The following SLC5A3 variants were observed in gnomAD, a reference collection of about 807,000 sequenced individuals.
The protein encoded by SLC5A3 is solute carrier family 5 member 3, also known as sodium/myo-inositol cotransporter.
In SLC5A3, 10 loss-of-function variants were observed where a neutral mutation model predicts 43.2. The ratio of observed to expected loss-of-function variants is 0.23; its 90% CI spans 0.14 to 0.39. The LOEUF (loss-of-function observed/expected upper bound fraction) is 0.39. SLC5A3 is among the 10% of genes least tolerant of loss of function. SLC5A3 has a pLI of 1.00. For missense variants in SLC5A3, 608 were observed against 893.4 expected, an observed-to-expected ratio of 0.68 and a Z score of 4.07; for synonymous variants, 349 against 322.0, an observed-to-expected ratio of 1.08 and a Z score of -0.90.
chr21:34,092,967 C>G (rs569664911), intron 1 of SLC5A3, among the ~76,000 whole-genome samples: 1 of 152,118 alleles, frequency 6.6e-6, no homozygotes, highest in East Asian at 1.9e-4. Flanking sequence ...TTCATAACTG[C>G]GAACAGCAGT....
At chr21:34,076,692 G>C (rs1989340671) in intron 1 of SLC5A3, among the ~76,000 whole-genome samples, 1 of 152,212 alleles carries the variant, frequency 6.6e-6, no homozygotes, top group Non-Finnish European at 1.5e-5. Context: ...GTAGGTAAAA[G>C]TGTGGTTAAA....
Position 34,103,374 on chromosome 21 carries a change from G to C in SLC5A3, c.*6019G>C. Reference sequence around the variant, plus strand: ...TACTTTATGTGCAGCCTTTATTTAGGTTCAGTGAAACCAGGTAGTTCTGTA... The same window carrying C: ...TACTTTATGTGCAGCCTTTATTTAGCTTCAGTGAAACCAGGTAGTTCTGTA... On this transcript the variant is annotated 3_prime_UTR_variant, in exon 2 of 2. Coordinates refer to ENST00000381151, the MANE Select transcript of SLC5A3 (RefSeq NM_006933.7). The C allele has an allele frequency of 5.0e-6, 5 of 996,420 alleles. No individual in the cohort carries two copies. Among genetic ancestry groups the C allele is most frequent in the Non-Finnish European group, 6.0e-6 (5 of 828,222 alleles). The allele number at this position is 996,420 out of a possible 1,614,324, so 61.7% of individuals were successfully genotyped here. A position where few individuals can be genotyped will look rare whatever the true frequency, so the allele number is the denominator to read the frequency against.
At chr21:34,078,285 T>C (rs190723644) in intron 1 of SLC5A3, among the ~76,000 whole-genome samples, 1 of 152,304 alleles carries the variant, frequency 6.6e-6, no homozygotes, top group Admixed American at 6.5e-5. Flanking sequence ...AACAATGTTA[T>C]ACTTTCATTT....
chr21:34,077,887 C>T (rs1443506307), intron 1 of SLC5A3, among the ~76,000 whole-genome samples: 3 of 152,124 alleles, frequency 2.0e-5, no homozygotes, highest in Non-Finnish European at 4.4e-5. Flanking sequence ...TTGATTAGAA[C>T]ACCTGGCAAA....
At position 34,100,625 on chromosome 21, in the gene SLC5A3, G is replaced by A. The variant is rs79292252; in HGVS notation, c.*3270G>A. ...GGGATGATACCTCAAGAAATTAGCT[G>A]GGACCCATCACTCTGTGAAACTTCA... On this transcript the variant is annotated 3_prime_UTR_variant, in exon 2 of 2. Transcript: ENST00000381151. 1,559 of 1,000,202 alleles carry A rather than the reference G, an allele frequency of 1.6e-3. 16 individuals carry two copies. In the African/African-American group the frequency reaches 0.019, roughly 12 times the overall value. The allele number at this position is 1,000,202 out of a possible 1,614,324, so 62.0% of individuals were successfully genotyped here.
At chr21:34,083,387 G>A (rs1260509392) in intron 1 of SLC5A3, among the ~76,000 whole-genome samples, 4 of 152,158 alleles carry the variant, frequency 2.6e-5, no homozygotes, top group Admixed American at 6.5e-5. Context: ...TATGAATTCC[G>A]AATATAAAAC....
At position 34,083,815 on chromosome 21, in the gene SLC5A3, T is replaced by G. The variant is rs1783288; in HGVS notation, c.-337+10070T>G. 2.0e-5 allele frequency among the ~76,000 whole-genome samples: 3 copies of G among 152,078 alleles called. No individual in the cohort carries two copies. In the East Asian group the frequency reaches 5.8e-4, roughly 29 times the overall value. On this transcript the variant is annotated intron_variant, in intron 1 of 1. Transcript: ENST00000381151. ...GCAAATTTTGTGTGTGTAAGAAGAT[T>G]GAAGAAAACATTTTTCCTAATGTCA...
At chr21:34,092,822 T>C (rs1960265317) in intron 1 of SLC5A3, among the ~76,000 whole-genome samples, 2 of 152,172 alleles carry the variant, frequency 1.3e-5, no homozygotes, top group African/African-American at 2.4e-5. Flanking sequence ...CTCCCTTCTT[T>C]GGAAAGCACG....
At chr21:34,080,292 A>G (rs935490027) in intron 1 of SLC5A3, among the ~76,000 whole-genome samples, 3 of 152,226 alleles carry the variant, frequency 2.0e-5, no homozygotes, top group African/African-American at 7.2e-5. Context: ...TCATTTTCAA[A>G]TACATGCAGG....
chr21:34,097,934 G>A lies in SLC5A3; in HGVS notation c.*579G>A, dbSNP rs1278069182. 3 of 996,464 alleles carry A rather than the reference G, an allele frequency of 3.0e-6. No individual in the cohort carries two copies. Among genetic ancestry groups the A allele is most frequent in the African/African-American group, 3.5e-5 (2 of 57,084 alleles). The allele number at this position is 996,464 out of a possible 1,614,324, so 61.7% of individuals were successfully genotyped here. A position where few individuals can be genotyped will look rare whatever the true frequency, so the allele number is the denominator to read the frequency against. On this transcript the variant is annotated 3_prime_UTR_variant, in exon 2 of 2. Transcript: ENST00000381151. ...TTTCCCAAAGAAAGAATGTTTTCCT[G>A]TAGGTATTTTTGTACCACCAGTATA...
At chr21:34,073,784 GC>G in intron 1 of SLC5A3, 39 bp downstream of exon 1, 16 of 1,434,362 alleles carry the variant, frequency 1.1e-5, no homozygotes, top group Non-Finnish European at 1.4e-5. Flanking sequence ...TCCCGCGCGG[GC>G]GCCCCCGCTG....
rs1382253294 is a variant in SLC5A3 at position 34,101,840 on chromosome 21, C to T, written c.*4485C>T. On this transcript the variant is annotated 3_prime_UTR_variant, in exon 2 of 2. Transcript: ENST00000381151. ...TTTGTGTTGGCTAATAATAAAAGCA[C>T]TGTTTTATTCTCAAAACTCCTTTTT... The T allele has an allele frequency of 1.0e-6, 1 of 997,790 alleles. No homozygotes were observed. The highest frequency in any genetic ancestry group is 6.2e-5 in the Admixed American group (1 of 16,236). The allele number at this position is 997,790 out of a possible 1,614,324, so 61.8% of individuals were successfully genotyped here.
At chr21:34,092,125 C>CATATAT (rs143732686) in intron 1 of SLC5A3, among the ~76,000 whole-genome samples, 76 of 149,454 alleles carry the variant, frequency 5.1e-4, no homozygotes, top group African/African-American at 1.4e-3. Context: ...GGAAGAAAAA[C>CATATAT]ATATATATAT....
rs1196712361 is a variant in SLC5A3 at position 34,099,342 on chromosome 21, A to C, written c.*1987A>C. On this transcript the variant is annotated 3_prime_UTR_variant, in exon 2 of 2. Coordinates refer to ENST00000381151, the MANE Select transcript of SLC5A3 (RefSeq NM_006933.7). ...ACAGAAACCAGGTCTCCAAATCTGG[A>C]CTCATGGTTTGTTCAGATGTGTCTG... 1.0e-6 allele frequency: 1 copy of C among 1,000,028 alleles called. No individual in the cohort carries two copies. Among genetic ancestry groups the C allele is most frequent in the Non-Finnish European group, 1.2e-6 (1 of 829,970 alleles). The allele number at this position is 1,000,028 out of a possible 1,614,324, so 61.9% of individuals were successfully genotyped here.
In SLC5A3 at chr21:34,101,485, G is replaced by C; in HGVS notation, c.*4130G>C. 1.0e-6 allele frequency: 1 copy of C among 1,000,090 alleles called. No homozygotes were observed. Among genetic ancestry groups the C allele is most frequent in the Non-Finnish European group, 1.2e-6 (1 of 829,902 alleles). The allele number at this position is 1,000,090 out of a possible 1,614,324, so 62.0% of individuals were successfully genotyped here. ...GGCATTTCAGTGTTGATAATAGCCT[G>C]AGCAGACTTCTTTACAAATGGGATC... On this transcript the variant is annotated 3_prime_UTR_variant, in exon 2 of 2. Coordinates refer to ENST00000381151, the MANE Select transcript of SLC5A3 (RefSeq NM_006933.7).
chr21:34,102,941 A>T lies in SLC5A3; in HGVS notation c.*5586A>T. 3 of 999,774 alleles carry T rather than the reference A, an allele frequency of 3.0e-6. No individual in the cohort carries two copies. The highest frequency in any genetic ancestry group is 3.6e-6 in the Non-Finnish European group (3 of 829,906). 61.9% of individuals were successfully genotyped at this position (999,774 alleles called of 1,614,324 possible). A position where few individuals can be genotyped will look rare whatever the true frequency, so the allele number is the denominator to read the frequency against. On this transcript the variant is annotated 3_prime_UTR_variant, in exon 2 of 2. Transcript: ENST00000381151. ...TCCCCAACCTAATTTATCTTGGTAA[A>T]TTCACCCTGTTTCCTAGTGCTGCTG...
rs1979349990 is a variant in SLC5A3 at position 34,103,680 on chromosome 21, TCA to T, written c.*6326_*6327del. The T allele has an allele frequency of 2.0e-6, 2 of 1,000,066 alleles. No individual in the cohort carries two copies. The highest frequency in any genetic ancestry group is 9.4e-5 in the South Asian group (2 of 21,294). 61.9% of individuals were successfully genotyped at this position (1,000,066 alleles called of 1,614,324 possible). A position where few individuals can be genotyped will look rare whatever the true frequency, so the allele number is the denominator to read the frequency against. ...TCATAAAGGCCACCAGGTATTTGTC[TCA>T]GAGTTGCTATGAGCACTACAGTATT... On this transcript the variant is annotated 3_prime_UTR_variant, in exon 2 of 2. Transcript: ENST00000381151.
chr21:34,088,365 A>G (rs1164581277), intron 1 of SLC5A3, among the ~76,000 whole-genome samples: 2 of 143,086 alleles, frequency 1.4e-5, no homozygotes, highest in Admixed American at 7.2e-5. Flanking sequence ...CAGCTGACCC[A>G]TCAGGGCTTT....
chr21:34,101,264 C>G lies in SLC5A3; in HGVS notation c.*3909C>G. ...AGATTTAGAGCTTGAAGCACCTTGG[C>G]TCTCAGCTACTTTAAACTCCTCCCC... On this transcript the variant is annotated 3_prime_UTR_variant, in exon 2 of 2. Transcript: ENST00000381151. 2 of 1,000,186 alleles carry G rather than the reference C, an allele frequency of 2.0e-6. No homozygotes were observed. Among genetic ancestry groups the G allele is most frequent in the Non-Finnish European group, 2.4e-6 (2 of 829,932 alleles). 62.0% of individuals were successfully genotyped at this position (1,000,186 alleles called of 1,614,324 possible).
Sources: allele counts gnomAD v4.1 joint callset (sites outside exome capture counted in the v4.1 genomes callset), GRCh38; gene constraint gnomAD v4.1.1; transcripts MANE v1.5; gene names NCBI Gene and HGNC (gene_info 2026-07-23, HGNC 2026-07-21).